The following RPH3AL variants were observed in gnomAD, a reference collection of about 807,000 sequenced individuals.
The protein encoded by RPH3AL is rabphilin 3A like (without C2 domains).
Under a neutral mutation model 43.1 loss-of-function variants are expected in RPH3AL, and 38 were observed. That is an observed-to-expected ratio of 0.88 (90% CI 0.68 to 1.15). RPH3AL has a LOEUF of 1.15. Ranked by LOEUF, RPH3AL falls within the 50% of genes most tolerant of loss-of-function variation. The pLI is 0.00. For synonymous variants in RPH3AL, 189 were observed against 176.3 expected, an observed-to-expected ratio of 1.07 and a Z score of -0.57; for missense variants, 462 against 423.2, an observed-to-expected ratio of 1.09 and a Z score of -0.81.
In RPH3AL at chr17:225,172, A is replaced by G. The variant is rs2041081162; in HGVS notation, c.614-5436T>C. Among the ~76,000 whole-genome samples the G allele has an allele frequency of 6.7e-6, 1 of 150,158 alleles. No individual in the cohort carries two copies. Among genetic ancestry groups the G allele is most frequent in the African/African-American group, 2.4e-5 (1 of 40,948 alleles). ...ATCAGGCCTGGCCTCTCCTTCCTCC[A>G]TCTGCTCAGAGGCTCTGCCTTTTTC... On this transcript the variant is annotated intron_variant, in intron 7 of 9. Transcript: ENST00000331302. This position sits in a 1 kb window ranked among gnomAD's most constrained non-coding sequence, Gnocchi z 4.4.
rs1388731369 is a variant in RPH3AL at position 322,442 on chromosome 17, A to G, written c.78-1027T>C. The G allele has an allele frequency of 1.3e-5, 2 of 152,260 alleles. No individual in the cohort carries two copies. Among genetic ancestry groups the G allele is most frequent in the Non-Finnish European group, 2.9e-5 (2 of 68,068 alleles). 9.4% of individuals were successfully genotyped at this position (152,260 alleles called of 1,614,324 possible). A position where few individuals can be genotyped will look rare whatever the true frequency, so the allele number is the denominator to read the frequency against. ...TGGCAGATGCCAATCAATGACACAG[A>G]TACCTATTTAACTAACAGGTCTAAG... On this transcript the variant is annotated intron_variant, in intron 3 of 9. Coordinates refer to ENST00000331302, the MANE Select transcript of RPH3AL (RefSeq NM_006987.4). The surrounding 1 kb of genome is among the most constrained non-coding windows in gnomAD (Gnocchi z 4.0).
intron 6 of RPH3AL, among the ~76,000 whole-genome samples, chr17:278,278 G>A (rs570168773): frequency 2.0e-4 from 30 of 152,220 alleles, no homozygotes; most frequent in Non-Finnish European, 2.5e-4. Flanking sequence ...CATGTAAGAC[G>A]TGCCTTTCGC....
intron 5 of RPH3AL, among the ~76,000 whole-genome samples, chr17:309,155 C>T (rs925450010): frequency 3.3e-5 from 5 of 152,182 alleles, no homozygotes; most frequent in African/African-American, 1.2e-4. Context: ...ATTTTCCAGG[C>T]GAGGTGGTGC....
Position 328,734 on chromosome 17 carries a change from G to GATT in RPH3AL, c.-36-1158_-36-1156dup, listed in dbSNP as rs1410376332. Among the ~76,000 whole-genome samples, 165 of 152,146 alleles carry GATT rather than the reference G, an allele frequency of 1.1e-3. 1 individual carries two copies. Among genetic ancestry groups the GATT allele is most frequent in the African/African-American group, 3.5e-3 (146 of 41,482 alleles). On this transcript the variant is annotated intron_variant, in intron 2 of 9. Coordinates refer to ENST00000331302, the MANE Select transcript of RPH3AL (RefSeq NM_006987.4). The surrounding 1 kb of genome is among the most constrained non-coding windows in gnomAD (Gnocchi z 4.2). ...TTACAATGGATTATGATTTACAATG[G>GATT]ATTATTATTTACAATGGATTATTAT...
intron 6 of RPH3AL, among the ~76,000 whole-genome samples, chr17:277,238 T>C (rs1386770909): frequency 6.6e-6 from 1 of 152,174 alleles, no homozygotes; most frequent in Non-Finnish European, 1.5e-5. Context: ...ACTTAAGATA[T>C]TCATTTTAAA....
intron 8 of RPH3AL, among the ~76,000 whole-genome samples, chr17:219,217 T>TTTTTTTTA (rs143279630): frequency 7.7e-6 from 1 of 129,580 alleles, no homozygotes; most frequent in African/African-American, 2.7e-5. Flanking sequence ...TTTTTTTTTT[T>TTTTTTTTA]GAGATGGAGT....
intron 5 of RPH3AL, among the ~76,000 whole-genome samples, chr17:298,460 G>A (rs2043234856): frequency 6.6e-6 from 1 of 152,192 alleles, no homozygotes; most frequent in African/African-American, 2.4e-5. Context: ...ATTTTGGGAG[G>A]CTGAAGTGGG....
At chr17:258,217 C>G (rs1555545060) in intron 6 of RPH3AL, among the ~76,000 whole-genome samples, 1 of 152,186 alleles carries the variant, frequency 6.6e-6, no homozygotes, top group Non-Finnish European at 1.5e-5. Flanking sequence ...CACCAGGCTC[C>G]ACCAAACAGG....
rs577017815 is a variant in RPH3AL, at chr17:264,348, T to C, written c.439-17063A>G. On this transcript the variant is annotated intron_variant, in intron 6 of 9. Coordinates refer to ENST00000331302, the MANE Select transcript of RPH3AL (RefSeq NM_006987.4). This position sits in a 1 kb window ranked among gnomAD's most constrained non-coding sequence, Gnocchi z 4.8. ...GATTACCCTTCGGAGCCGTGCGCGCTGGATGGGGACTCAGAATCCGCAGCA... is the reference window on the plus strand; with the variant it reads ...GATTACCCTTCGGAGCCGTGCGCGCCGGATGGGGACTCAGAATCCGCAGCA... Among the ~76,000 whole-genome samples, 26 of 82,394 alleles carry C rather than the reference T, an allele frequency of 3.2e-4. 2 individuals carry two copies. The highest frequency in any genetic ancestry group is 1.1e-3 in the African/African-American group (24 of 21,200). 54.1% of individuals were successfully genotyped at this position (82,394 alleles called of 152,430 possible). A position where few individuals can be genotyped will look rare whatever the true frequency, so the allele number is the denominator to read the frequency against.
At position 229,501 on chromosome 17, in the gene RPH3AL, A is replaced by G. The variant is rs554449261; in HGVS notation, c.614-9765T>C. Among the ~76,000 whole-genome samples the G allele has an allele frequency of 1.1e-4, 17 of 152,260 alleles. No individual in the cohort carries two copies. The East Asian group carries it at 2.9e-3, about 26-fold the overall frequency. On this transcript the variant is annotated intron_variant, in intron 7 of 9. Coordinates refer to ENST00000331302, the MANE Select transcript of RPH3AL (RefSeq NM_006987.4). Reference sequence around the variant, plus strand: ...CCATCTGTCACCTCCATGTCCCCCAAAGAGCTGGGGTTTCCCCCAGGACAA... The same window carrying G: ...CCATCTGTCACCTCCATGTCCCCCAGAGAGCTGGGGTTTCCCCCAGGACAA...
chr17:332,770 C>T (rs2044818794), intron 2 of RPH3AL: 2 of 299,180 alleles, frequency 6.7e-6, no homozygotes, highest in Non-Finnish European at 6.8e-6. Flanking sequence ...GGGGCTGGTG[C>T]CCCCAGGAGC....
At chr17:253,511 T>C (rs1391817313) in intron 6 of RPH3AL, among the ~76,000 whole-genome samples, 1 of 152,148 alleles carries the variant, frequency 6.6e-6, no homozygotes, top group African/African-American at 2.4e-5. Context: ...TTTAAAAAAA[T>C]TAAAAATGTT....
intron 8 of RPH3AL, among the ~76,000 whole-genome samples, chr17:218,345 T>C (rs1195303536): frequency 4.8e-4 from 63 of 132,354 alleles, no homozygotes; most frequent in Non-Finnish European, 6.8e-4. Flanking sequence ...GGGGCAGTTA[T>C]TACAGAGCCC....
chr17:318,642 C>A (rs963855604), intron 5 of RPH3AL, among the ~76,000 whole-genome samples: 17 of 152,066 alleles, frequency 1.1e-4, no homozygotes, highest in African/African-American at 4.1e-4. Context: ...TGCTAACTAT[C>A]TTGAGGATTA....
At chr17:244,410 G>C (rs1182109415) in intron 7 of RPH3AL, among the ~76,000 whole-genome samples, 1 of 152,014 alleles carries the variant, frequency 6.6e-6, no homozygotes, top group Non-Finnish European at 1.5e-5. Context: ...TGTAGGGAGA[G>C]GGAGAGAGGG....
chr17:253,456 C>T (rs914474603), intron 6 of RPH3AL, among the ~76,000 whole-genome samples: 4 of 152,158 alleles, frequency 2.6e-5, no homozygotes, highest in African/African-American at 4.8e-5. Context: ...TGCTCCTTTG[C>T]GGCACCGGAC....
At chr17:339,214 T>G (rs113962632) in intron 1 of RPH3AL, 4 of 152,422 alleles carry the variant, frequency 2.6e-5, no homozygotes, top group African/African-American at 9.6e-5. Context: ...AGCTGTCCGG[T>G]TCTCTGCACA....
intron 5 of RPH3AL, among the ~76,000 whole-genome samples, chr17:305,135 G>T (rs1438262036): frequency 6.7e-6 from 1 of 148,304 alleles, no homozygotes; most frequent in Non-Finnish European, 1.5e-5. Flanking sequence ...GGGGGACAGG[G>T]TCATCAGGGT....
Position 238,072 on chromosome 17 carries a change from G to A in RPH3AL, c.613+9039C>T, listed in dbSNP as rs144129614. On this transcript the variant is annotated intron_variant, in intron 7 of 9. Coordinates refer to ENST00000331302, the MANE Select transcript of RPH3AL (RefSeq NM_006987.4). ...GAGGATTGCTTGAGTCCGGGAAGTC[G>A]TGTGCAGTTAGCTGAGACTGAGCCA... is the stretch of plus-strand genomic sequence containing the variant. Among the ~76,000 whole-genome samples the A allele has an allele frequency of 8.2e-4, 125 of 152,136 alleles. No individual in the cohort carries two copies. The East Asian group carries it at 0.019, about 23-fold the overall frequency.
Sources: allele counts gnomAD v4.1 joint callset (sites outside exome capture counted in the v4.1 genomes callset), GRCh38; gene constraint gnomAD v4.1.1; non-coding constraint Gnocchi (gnomAD v3.1); transcripts MANE v1.5; gene names NCBI Gene and HGNC (gene_info 2026-07-23, HGNC 2026-07-21).